Variants in IGF1R observed in about 807,000 individuals in gnomAD.
IGF1R encodes insulin like growth factor 1 receptor, also known as insulin-like growth factor 1 receptor.
In IGF1R, 44 loss-of-function variants were observed where a neutral mutation model predicts 144.6. The observed-to-expected ratio is 0.30, with a 90% confidence interval of 0.24 to 0.39. IGF1R has a LOEUF of 0.39. Ranked by LOEUF, IGF1R falls within the 10% of genes least tolerant of loss-of-function variation. The probability of loss-of-function intolerance (pLI) is 1.00; values close to 1 mark genes in which losing one functional copy is unlikely to be tolerated. For synonymous variants in IGF1R, 795 were observed against 722.8 expected, an observed-to-expected ratio of 1.10 and a Z score of -1.60; for missense variants, 1,355 against 1,833.7, an observed-to-expected ratio of 0.74 and a Z score of 4.77.
At chr15:98,783,738 A>G (rs2055913382) in intron 2 of IGF1R, among the ~76,000 whole-genome samples, 1 of 152,152 alleles carries the variant, frequency 6.6e-6, no homozygotes, top group African/African-American at 2.4e-5. Flanking sequence ...AATTATCAAT[A>G]CATGCTCAAG....
At position 98,649,191 on chromosome 15, in the gene IGF1R, G is replaced by T. The variant is rs559553617; in HGVS notation, c.-391G>T. On this transcript the variant is annotated 5_prime_UTR_variant, in exon 1 of 21. The change creates a new upstream start codon in the 5' untranslated region. Coordinates refer to ENST00000650285, the MANE Select transcript of IGF1R (RefSeq NM_000875.5). The stretch of plus-strand genomic sequence containing the variant: ...CGTCCGGCCGCCTCCCGCGCGGCCA[G>T]GGCCGGGCTTGTTTTTCCTCGCCTA... 4.6e-6 allele frequency: 1 copy of T among 219,712 alleles called. No homozygotes were observed. Among genetic ancestry groups the T allele is most frequent in the Non-Finnish European group, 9.1e-6 (1 of 109,464 alleles). The allele number at this position is 219,712 out of a possible 1,614,324, so 13.6% of individuals were successfully genotyped here.
intron 10 of IGF1R, among the ~76,000 whole-genome samples, chr15:98,917,470 C>G (rs922198109): frequency 6.6e-6 from 1 of 152,222 alleles, no homozygotes; most frequent in Non-Finnish European, 1.5e-5. Context: ...GCCCCTGCCC[C>G]AGGGACTCTG....
At chr15:98,941,725 A>G (rs2016372883) in intron 18 of IGF1R, among the ~76,000 whole-genome samples, 2 of 152,358 alleles carry the variant, frequency 1.3e-5, no homozygotes, top group Non-Finnish European at 2.9e-5. Context: ...CTCTTAGCAT[A>G]GCACAAGTAA....
intron 2 of IGF1R, among the ~76,000 whole-genome samples, chr15:98,854,274 T>C (rs1436146743): frequency 6.6e-6 from 1 of 152,198 alleles, no homozygotes; most frequent in Non-Finnish European, 1.5e-5. Flanking sequence ...TCCAGTGATG[T>C]GTGCTCCGGC....
At chr15:98,897,253 G>A in intron 4 of IGF1R, 1 of 250,094 alleles carries the variant, frequency 4.0e-6, no homozygotes, top group African/African-American at 2.2e-5. Context: ...TCCAGCTGTA[G>A]CCAAATCCAC....
chr15:98,674,977 ATTTTTTTTT>A (rs71149408), intron 1 of IGF1R, among the ~76,000 whole-genome samples: 68 of 98,912 alleles, frequency 6.9e-4, no homozygotes, highest in Admixed American at 2.3e-3. Context: ...GTATTTTACA[ATTTTTTTTT>A]TTTTTTTTTT....
chr15:98,822,819 T>C (rs2056826267), intron 2 of IGF1R, among the ~76,000 whole-genome samples: 1 of 152,174 alleles, frequency 6.6e-6, no homozygotes, highest in Non-Finnish European at 1.5e-5. Flanking sequence ...AAAACAGAAG[T>C]TAGGTGAAAT....
intron 2 of IGF1R, among the ~76,000 whole-genome samples, 155 bp downstream of exon 2, chr15:98,708,262 C>G (rs551261784): frequency 1.1e-4 from 16 of 152,214 alleles, no homozygotes; most frequent in African/African-American, 2.9e-4. Context: ...GAAGTGGTTC[C>G]CAGTGGGGGT....
intron 2 of IGF1R, among the ~76,000 whole-genome samples, chr15:98,869,738 A>G (rs34095963): frequency 0.22 from 32,838 of 152,152 alleles, 4,190 homozygotes; most frequent in East Asian, 0.41. Context: ...CTCCCTTGAG[A>G]TTCTTGTAAG....
intron 2 of IGF1R, among the ~76,000 whole-genome samples, chr15:98,744,374 A>G (rs1427230420): frequency 6.6e-6 from 1 of 152,040 alleles, no homozygotes; most frequent in Non-Finnish European, 1.5e-5. Flanking sequence ...GTCTTGCAAG[A>G]GGGGAGGCCT....
At chr15:98,829,615 G>GCAGGAGAACACTGTGGCTCTCGGATC (rs1231124565) in intron 2 of IGF1R, among the ~76,000 whole-genome samples, 8 of 152,224 alleles carry the variant, frequency 5.3e-5, no homozygotes, top group African/African-American at 1.9e-4. Flanking sequence ...CTAAATAGAA[G>GCAGGAGAACACTGTGGCTCTCGGATC]CAGGAGAACA....
intron 2 of IGF1R, among the ~76,000 whole-genome samples, chr15:98,765,758 G>T (rs947527744): frequency 6.6e-6 from 1 of 152,174 alleles, no homozygotes; most frequent in Non-Finnish European, 1.5e-5. Flanking sequence ...ATTCTTTGCA[G>T]TACCCTAGGG....
chr15:98,943,377 T>C (rs555035816), intron 19 of IGF1R, among the ~76,000 whole-genome samples: 1 of 152,346 alleles, frequency 6.6e-6, no homozygotes, highest in African/African-American at 2.4e-5. Flanking sequence ...CTGCCTTCTT[T>C]CTCTTTTCCT....
intron 1 of IGF1R, among the ~76,000 whole-genome samples, chr15:98,688,894 G>A (rs961010836): frequency 3.3e-5 from 5 of 152,036 alleles, no homozygotes; most frequent in African/African-American, 9.7e-5. Context: ...CTCTTTTTAC[G>A]CAGTACGCTT....
At chr15:98,665,966 A>G (rs1164047761) in intron 1 of IGF1R, among the ~76,000 whole-genome samples, 1 of 152,232 alleles carries the variant, frequency 6.6e-6, no homozygotes, top group Non-Finnish European at 1.5e-5. Context: ...TGCAAGGAAA[A>G]CAAAAGTGTT....
intron 2 of IGF1R, among the ~76,000 whole-genome samples, chr15:98,813,756 C>G (rs879876031): frequency 6.6e-6 from 1 of 152,178 alleles, no homozygotes; most frequent in Non-Finnish European, 1.5e-5. Context: ...CAGAGCGGCC[C>G]CAGTCCATTC....
intron 2 of IGF1R, among the ~76,000 whole-genome samples, chr15:98,801,695 T>C (rs1447506159): frequency 6.6e-6 from 1 of 152,230 alleles, no homozygotes; most frequent in Non-Finnish European, 1.5e-5. Context: ...TAGCTATGTG[T>C]ATGGAGTATA....
intron 6 of IGF1R, among the ~76,000 whole-genome samples, chr15:98,909,261 C>CTTTTTTTTTTT (rs752298130): frequency 4.4e-5 from 4 of 91,758 alleles, no homozygotes; most frequent in Admixed American, 1.2e-4. Context: ...CTTTTTTTTT[C>CTTTTTTTTTTT]TTTTTTTTTT....
chr15:98,778,509 C>G (rs534502590), intron 2 of IGF1R, among the ~76,000 whole-genome samples: 3 of 152,310 alleles, frequency 2.0e-5, no homozygotes, highest in African/African-American at 7.2e-5. Context: ...ACCCAGTGGT[C>G]ACAGTGGCTC....
Sources: allele counts gnomAD v4.1 joint callset (sites outside exome capture counted in the v4.1 genomes callset), GRCh38; gene constraint gnomAD v4.1.1; transcripts MANE v1.5; gene names NCBI Gene and HGNC (gene_info 2026-07-23, HGNC 2026-07-21).